The following HAS1 variants were observed in gnomAD, a reference collection of about 807,000 sequenced individuals.
HAS1 encodes the protein hyaluronan synthase 1.
In HAS1, 27 loss-of-function variants were observed where a neutral mutation model predicts 35.0. The observed-to-expected ratio is 0.77, with a 90% CI of 0.57 to 1.06. The LOEUF is 1.06. Among genes scored for constraint, HAS1 ranks in the 50% least tolerant of loss-of-function variants. The probability of loss-of-function intolerance (pLI) is 0.00; values close to 1 mark genes in which losing one functional copy is unlikely to be tolerated. For synonymous variants in HAS1, 409 were observed against 371.2 expected, an observed-to-expected ratio of 1.10 and a Z score of -1.17; for missense variants, 940 against 814.8, an observed-to-expected ratio of 1.15 and a Z score of -1.87.
chr19:51,716,200 G>A (rs763965818), intron 4 of HAS1, 56 bp downstream of exon 4: 55 of 1,495,174 alleles, frequency 3.7e-5, no homozygotes, highest in African/African-American at 4.2e-5. Context: ...ATGCACACAC[G>A]CTAGGATATT....
chr19:51,714,042 G>C lies in HAS1; in HGVS notation c.1119C>G (p.Ser373Arg). 6.2e-7 allele frequency: 1 copy of C among 1,613,862 alleles called. No individual in the cohort carries two copies. The change falls in exon 5 of 5, where the codon AGC becomes AGG. Residue 373 changes from serine (S) to arginine (R), a missense_variant. Ser to Arg is a moderately radical substitution (Grantham distance 110). Transcript: ENST00000540069. The stretch of plus-strand genomic sequence containing the variant: ...ACGACTTGGACCAGCGTGTCTGCTG[G>C]CTCAGCCACCGCAGGAAGGACGAGG... ...ETPSSFLRWL[S>R]QQTRWSKSYF...
In HAS1 at chr19:51,719,242, G is replaced by A; in HGVS notation, c.663C>T (p.Ala221=). 1.3e-6 allele frequency: 2 copies of A among 1,594,832 alleles called. No homozygotes were observed. Among genetic ancestry groups the A allele is most frequent in the South Asian group, 1.1e-5 (1 of 88,772 alleles). The stretch of plus-strand genomic sequence containing the variant: ...CCACCGAATCTCCGAGCGCCTTGAA[G>A]GCTGTGTACATGACCTCGCGCTTGC... ...WGGKREVMYT[A]FKALGDSVDY... The change falls in exon 2 of 5, where the codon GCC becomes GCT. Residue 221 remains alanine (A), a synonymous_variant. Transcript: ENST00000540069.
rs945398316 is a variant in HAS1, at chr19:51,719,817, G to A, written c.88C>T (p.Leu30Phe). 1.2e-5 allele frequency: 18 copies of A among 1,556,608 alleles called. No individual in the cohort carries two copies. Among genetic ancestry groups the A allele is most frequent in the Non-Finnish European group, 1.5e-5 (17 of 1,154,082 alleles). Reference protein sequence around the residue: ...RRVLTIAFALLILGLMTWAYA... With the variant: ...RRVLTIAFALFILGLMTWAYA... ...GCCCAGGTCATGAGGCCCAGGATGA[G>A]CAGGGCGAAGGCGATGGTCAGCACC... is the stretch of plus-strand genomic sequence containing the variant. Residue 30 changes from leucine to phenylalanine, a missense_variant, in exon 2 of 5, where the codon CTC (leucine) becomes TTC (phenylalanine). By Grantham distance (22) the Leu-to-Phe change is conservative. Transcript: ENST00000540069.
In HAS1 at chr19:51,716,995, A is replaced by C; in HGVS notation, c.898T>G (p.Cys300Gly). The change falls in exon 3 of 5, where the codon TGT (cysteine) becomes GGT (glycine). Residue 300 changes from cysteine to glycine, a missense_variant. Coordinates refer to ENST00000540069, the MANE Select transcript of HAS1 (RefSeq NM_001297436.2). ...AGAGGACCGCTGATGCAGGATACAC[A>C]GTGGAAGTAGCTCTGACAAGCCCGC... ...VERACQSYFH[C>G]VSCISGPLGL... is the part of the protein sequence containing the mutation. The C allele has an allele frequency of 6.2e-7, 1 of 1,613,536 alleles. No homozygotes were observed.
At chr19:51,715,901 C>G (rs2083582967) in intron 4 of HAS1, among the ~76,000 whole-genome samples, 1 of 152,186 alleles carries the variant, frequency 6.6e-6, no homozygotes, top group Non-Finnish European at 1.5e-5. Flanking sequence ...ACTGTGCTAC[C>G]TTGGTCTCCA....
chr19:51,718,119 AC>A, intron 2 of HAS1: 1 of 160,872 alleles, frequency 6.2e-6, no homozygotes, highest in Non-Finnish European at 1.4e-5. Flanking sequence ...TGCCTGTAAT[AC>A]CAGCTACTGG....
chr19:51,718,716 T>TA (rs1334327839), intron 2 of HAS1, among the ~76,000 whole-genome samples: 1 of 152,166 alleles, frequency 6.6e-6, no homozygotes, highest in Admixed American at 6.5e-5. Context: ...TTTGTATTTT[T>TA]AGTAGAGACA....
intron 4 of HAS1, among the ~76,000 whole-genome samples, chr19:51,714,380 A>AAAT (rs2083570266): frequency 8.0e-6 from 1 of 124,940 alleles, no homozygotes; most frequent in Non-Finnish European, 1.6e-5. Flanking sequence ...CTAAATAAAT[A>AAAT]AATAAATAAA....
intron 4 of HAS1, among the ~76,000 whole-genome samples, chr19:51,715,945 G>T (rs773138323): frequency 6.6e-6 from 1 of 152,052 alleles, no homozygotes; most frequent in Non-Finnish European, 1.5e-5. Context: ...TCAATTCTAG[G>T]TGGAATTCTC....
rs1416999355 is a variant in HAS1 at position 51,719,834 on chromosome 19, G to A, written c.71C>T (p.Thr24Ile). ...CAGGATGAGCAGGGCGAAGGCGATGGTCAGCACCCTCCGGGCCAGGCCGGA... is the reference window on the plus strand; with the variant it reads ...CAGGATGAGCAGGGCGAAGGCGATGATCAGCACCCTCCGGGCCAGGCCGGA... The part of the protein sequence containing the change: ...RCSGLARRVL[T>I]IAFALLILGL... Residue 24 changes from threonine (T) to isoleucine (I), a missense_variant, in exon 2 of 5, where the codon ACC becomes ATC. Transcript: ENST00000540069. 2 of 1,553,034 alleles carry A rather than the reference G, an allele frequency of 1.3e-6. No individual in the cohort carries two copies. Among genetic ancestry groups the A allele is most frequent in the Non-Finnish European group, 1.7e-6 (2 of 1,152,426 alleles).
Position 51,720,129 on chromosome 19 carries a change from G to GT in HAS1, c.10-235dup, listed in dbSNP as rs570460188. ...CCCTTTCTCTCTCCTTTCGTTTTTTGTTTTTTTTTTCTTTTGAGACAGGGT... is the reference window on the plus strand; with the variant it reads ...CCCTTTCTCTCTCCTTTCGTTTTTTGTTTTTTTTTTTCTTTTGAGACAGGGT... On this transcript the variant is annotated intron_variant, in intron 1 of 4. Transcript: ENST00000540069. 9.5e-3 allele frequency among the ~76,000 whole-genome samples: 1,329 copies of GT among 139,738 alleles called. 11 individuals carry two copies. The highest frequency in any genetic ancestry group is 0.025 in the East Asian group (119 of 4,776). The allele number at this position is 139,738 out of a possible 152,430, so 91.7% of individuals were successfully genotyped here.
At chr19:51,719,140 A>G in intron 2 of HAS1, 66 bp downstream of exon 2, 1 of 977,208 alleles carries the variant, frequency 1.0e-6, no homozygotes, top group Non-Finnish European at 1.5e-6. Context: ...ACATTGAAGG[A>G]AAGACCCCAG....
At chr19:51,721,239 A>C (rs1344003998) in intron 1 of HAS1, among the ~76,000 whole-genome samples, 1 of 152,090 alleles carries the variant, frequency 6.6e-6, no homozygotes, top group Non-Finnish European at 1.5e-5. Context: ...AGGTGGCCAA[A>C]CTGAGGACTG....
In HAS1 at chr19:51,714,011, G is replaced by A. The variant is rs748560541; in HGVS notation, c.1150C>T (p.Arg384Cys). The A allele has an allele frequency of 8.1e-6, 13 of 1,613,830 alleles. No homozygotes were observed. The highest frequency in any genetic ancestry group is 5.0e-5 in the Admixed American group (3 of 59,980). The change falls in exon 5 of 5, where the codon CGT (arginine) becomes TGT (cysteine). Residue 384 changes from arginine (R) to cysteine (C), a missense_variant. Coordinates refer to ENST00000540069, the MANE Select transcript of HAS1 (RefSeq NM_001297436.2). ...QQTRWSKSYFREWLYNALWWH... is the reference protein window; with the variant it reads ...QQTRWSKSYFCEWLYNALWWH... ...CAGAGCGCGTTGTACAGCCACTCACGGAAGTACGACTTGGACCAGCGTGTC... is the reference window on the plus strand; with the variant it reads ...CAGAGCGCGTTGTACAGCCACTCACAGAAGTACGACTTGGACCAGCGTGTC...
At position 51,713,928 on chromosome 19, in the gene HAS1, G is replaced by C; in HGVS notation, c.1233C>G (p.Pro411=). The C allele has an allele frequency of 6.2e-7, 1 of 1,609,248 alleles. No homozygotes were observed. The highest frequency in any genetic ancestry group is 8.5e-7 in the Non-Finnish European group (1 of 1,180,004). The change falls in exon 5 of 5, where the codon CCC becomes CCG. Residue 411 remains proline, a synonymous_variant. Transcript: ENST00000540069. The surrounding 1 kb of genome is among the most constrained non-coding windows in gnomAD (Gnocchi z 4.5). The stretch of plus-strand genomic sequence containing the variant: ...GCAGCACAGTGGCCGCCACGAAGAA[G>C]GGGAACAGGCCGGAGACCACCGCCT... ...TYEAVVSGLF[P]FFVAATVLRL... is the part of the protein sequence containing the mutation.
In HAS1 at chr19:51,713,716, A is replaced by G. The variant is rs751903070; in HGVS notation, c.1445T>C (p.Met482Thr). ...CGAGGTGCCCCAGCCACTCTGGTTC[A>G]TGGTGACTAGCGCCAGGAACTTGGC... Reference protein sequence around the residue: ...LPAKFLALVTMNQSGWGTSGR... With the variant: ...LPAKFLALVTTNQSGWGTSGR... Residue 482 changes from methionine (M) to threonine (T), a missense_variant, in exon 5 of 5, where the codon ATG becomes ACG. Coordinates refer to ENST00000540069, the MANE Select transcript of HAS1 (RefSeq NM_001297436.2). The surrounding 1 kb of genome is among the most constrained non-coding windows in gnomAD (Gnocchi z 4.5). 2.5e-6 allele frequency: 4 copies of G among 1,606,676 alleles called. No homozygotes were observed. Among genetic ancestry groups the G allele is most frequent in the East Asian group, 4.5e-5 (2 of 44,552 alleles).
chr19:51,720,003 C>CCCTCTCT, intron 1 of HAS1, 108 bp from the exon 2 acceptor site: 1 of 627,166 alleles, frequency 1.6e-6, no homozygotes, highest in South Asian at 2.0e-5. Flanking sequence ...CCCTTTCCCT[C>CCCTCTCT]CCCTCCCTCT....
At chr19:51,721,765 C>T (rs2083633152) in intron 1 of HAS1, among the ~76,000 whole-genome samples, 1 of 152,052 alleles carries the variant, frequency 6.6e-6, no homozygotes, top group African/African-American at 2.4e-5. Flanking sequence ...GACTCCATCT[C>T]GAAATAATAA....
In HAS1 at chr19:51,719,993, C is replaced by G. The variant is rs541504733; in HGVS notation, c.10-98G>C. Reference sequence around the variant, plus strand: ...AAATCCTTTCCTTCCTTCCCTCCTTCCCTTTCCCTCCCCTCCCTCTCTCTC... The same window carrying G: ...AAATCCTTTCCTTCCTTCCCTCCTTGCCTTTCCCTCCCCTCCCTCTCTCTC... On this transcript the variant is annotated intron_variant, in intron 1 of 4. Coordinates refer to ENST00000540069, the MANE Select transcript of HAS1 (RefSeq NM_001297436.2). 23 of 707,150 alleles carry G rather than the reference C, an allele frequency of 3.3e-5. No homozygotes were observed. In the East Asian group the frequency reaches 6.9e-4, roughly 21 times the overall value. 43.8% of individuals were successfully genotyped at this position (707,150 alleles called of 1,614,324 possible).
Sources: gnomAD v4.1 joint callset for allele counts (sites outside exome capture counted in the v4.1 genomes callset) on GRCh38, gnomAD v4.1.1 for gene constraint, Gnocchi (gnomAD v3.1) non-coding constraint, MANE v1.5 for transcripts, NCBI Gene and HGNC (gene_info 2026-07-23, HGNC 2026-07-21) for gene names.